The following FRMD4A variants were observed in gnomAD, a reference collection of about 807,000 sequenced individuals.
The protein encoded by FRMD4A is FERM domain-containing protein 4A.
FRMD4A carries 29 observed loss-of-function variants against 129.1 expected under a neutral mutation model. The observed-to-expected ratio is 0.22, with a 90% CI of 0.17 to 0.31. FRMD4A has a LOEUF of 0.31. Ranked by LOEUF, FRMD4A falls within the 10% of genes least tolerant of loss-of-function variation. The pLI, the probability that FRMD4A is intolerant of heterozygous loss-of-function variation, is 1.00. For missense variants in FRMD4A, 1,272 were observed against 1,375.8 expected, an observed-to-expected ratio of 0.92 and a Z score of 1.19; for synonymous variants, 634 against 571.6, an observed-to-expected ratio of 1.11 and a Z score of -1.56.
At chr10:13,741,839 C>T (rs1210424362) in intron 9 of FRMD4A, among the ~76,000 whole-genome samples, 1 of 152,146 alleles carries the variant, frequency 6.6e-6, no homozygotes, top group Non-Finnish European at 1.5e-5. Flanking sequence ...GCGCTCCCTC[C>T]TTTTTTGAAA....
At chr10:14,226,545 G>A (rs1378353668) in intron 2 of FRMD4A, among the ~76,000 whole-genome samples, 2 of 152,166 alleles carry the variant, frequency 1.3e-5, no homozygotes, top group Non-Finnish European at 2.9e-5. Flanking sequence ...CATACTGGAA[G>A]GATCCCTTAT....
chr10:13,956,354 G>T (rs2095410284), intron 2 of FRMD4A, among the ~76,000 whole-genome samples: 1 of 152,178 alleles, frequency 6.6e-6, no homozygotes, highest in Non-Finnish European at 1.5e-5. Context: ...GTTTCGCCAT[G>T]TGGGCCAGGC....
chr10:13,658,764 C>A (rs1234944735), intron 21 of FRMD4A, among the ~76,000 whole-genome samples: 2 of 152,112 alleles, frequency 1.3e-5, no homozygotes, highest in Admixed American at 6.5e-5. Flanking sequence ...TGCCTGTAAT[C>A]CCACCTACTT....
intron 15 of FRMD4A, among the ~76,000 whole-genome samples, chr10:13,687,443 G>A (rs1369823748): frequency 1.3e-5 from 2 of 151,766 alleles, no homozygotes; most frequent in Non-Finnish European, 2.9e-5. Flanking sequence ...CCCAGTTATT[G>A]TTGCTTTGTT....
intron 11 of FRMD4A, 115 bp downstream of exon 11, chr10:13,740,079 A>G (rs2090896362): frequency 1.4e-6 from 1 of 726,522 alleles, no homozygotes; most frequent in African/African-American, 1.8e-5. Flanking sequence ...AGCCTGGGAG[A>G]CAAAGCAAGA....
intron 14 of FRMD4A, among the ~76,000 whole-genome samples, chr10:13,698,786 C>T (rs913299456): frequency 6.6e-6 from 1 of 152,182 alleles, no homozygotes; most frequent in Non-Finnish European, 1.5e-5. Context: ...CAGAGGCCTC[C>T]AATTCCCACA....
At chr10:13,944,559 G>T (rs2095317819) in intron 2 of FRMD4A, among the ~76,000 whole-genome samples, 1 of 152,074 alleles carries the variant, frequency 6.6e-6, no homozygotes, top group African/African-American at 2.4e-5. Context: ...TGGAAAAATT[G>T]TCTTCCATGA....
intron 2 of FRMD4A, among the ~76,000 whole-genome samples, chr10:14,307,456 A>G (rs1239771426): frequency 6.6e-6 from 1 of 152,242 alleles, no homozygotes; most frequent in Non-Finnish European, 1.5e-5. Flanking sequence ...TTTGAAATCT[A>G]TCTTGAAGAG....
intron 2 of FRMD4A, among the ~76,000 whole-genome samples, chr10:14,017,945 G>A (rs760485597): frequency 2.0e-5 from 3 of 152,194 alleles, no homozygotes; most frequent in Non-Finnish European, 4.4e-5. Flanking sequence ...AGTGCAAGCT[G>A]TGACCAGAAT....
intron 3 of FRMD4A, among the ~76,000 whole-genome samples, chr10:13,856,127 T>TAGTGTGTATATCTCTC (rs2094210299): frequency 6.6e-6 from 1 of 151,734 alleles, no homozygotes. Context: ...TATGTATAGG[T>TAGTGTGTATATCTCTC]AGTGTGTATA....
intron 2 of FRMD4A, among the ~76,000 whole-genome samples, chr10:14,149,598 G>T (rs1475879452): frequency 6.6e-6 from 1 of 152,164 alleles, no homozygotes; most frequent in African/African-American, 2.4e-5. Context: ...TGGAACTCCT[G>T]GGTTCAAGTG....
intron 2 of FRMD4A, among the ~76,000 whole-genome samples, chr10:14,152,747 G>T (rs1407819724): frequency 6.6e-6 from 1 of 152,114 alleles, no homozygotes; most frequent in Non-Finnish European, 1.5e-5. Flanking sequence ...GGCTGAGGAG[G>T]GAGGATCGCT....
chr10:13,934,438 G>T (rs567110713), intron 2 of FRMD4A, among the ~76,000 whole-genome samples: 10 of 152,132 alleles, frequency 6.6e-5, no homozygotes, highest in Admixed American at 2.0e-4. Flanking sequence ...AAAAGCAGGG[G>T]CTCAAAGTGT....
chr10:14,184,809 ATTTATTT>A (rs1842034201), intron 2 of FRMD4A, among the ~76,000 whole-genome samples: 3 of 152,102 alleles, frequency 2.0e-5, no homozygotes, highest in South Asian at 2.1e-4. Context: ...TTTCTTATTT[ATTTATTT>A]TTTATTTTTT....
chr10:13,734,831 CTTCTTTTTCTATTTATTTAT>C lies in FRMD4A; in HGVS notation c.759+2993_759+3012del, dbSNP rs567925763. ...AGGTATGCAATAACTTTTTTTTCTT[CTTCTTTTTCTATTTATTTAT>C]TTATTTATTTATTTATTTATTTATT... On this transcript the variant is annotated intron_variant, in intron 12 of 24. Transcript: ENST00000357447. 9.7e-4 allele frequency among the ~76,000 whole-genome samples: 145 copies of C among 150,020 alleles called. No homozygotes were observed. The East Asian group carries it at 0.02, about 21-fold the overall frequency.
intron 3 of FRMD4A, among the ~76,000 whole-genome samples, chr10:13,831,998 T>C (rs576597906): frequency 6.6e-6 from 1 of 152,258 alleles, no homozygotes; most frequent in Admixed American, 6.5e-5. Flanking sequence ...TCACTTCCTC[T>C]GTCAGAGTGG....
chr10:14,070,523 G>C (rs1200097462), intron 2 of FRMD4A, among the ~76,000 whole-genome samples: 1 of 152,064 alleles, frequency 6.6e-6, no homozygotes, highest in Non-Finnish European at 1.5e-5. Flanking sequence ...GAAGAGATGG[G>C]GTATTAGAAG....
chr10:13,750,556 G>A (rs926224936), intron 8 of FRMD4A, among the ~76,000 whole-genome samples: 2 of 152,190 alleles, frequency 1.3e-5, no homozygotes, highest in South Asian at 2.1e-4. Context: ...GACTGGCTTT[G>A]GGGGAGGCCG....
intron 3 of FRMD4A, among the ~76,000 whole-genome samples, chr10:13,814,456 G>A (rs11258637): frequency 0.36 from 54,325 of 150,762 alleles, 10,015 homozygotes; most frequent in Middle Eastern, 0.45. Context: ...ATGCACTTGG[G>A]ACTAGTCCTA....
Sources: gnomAD v4.1 joint callset for allele counts (sites outside exome capture counted in the v4.1 genomes callset) on GRCh38, gnomAD v4.1.1 for gene constraint, MANE v1.5 for transcripts, NCBI Gene and HGNC (gene_info 2026-07-23, HGNC 2026-07-21) for gene names.